TYW1B: variants seen among roughly 807,000 people sequenced by gnomAD.
TYW1B encodes the protein S-adenosyl-L-methionine-dependent tRNA 4-demethylwyosine synthase TYW1B.
Under a neutral mutation model 86.9 loss-of-function variants are expected in TYW1B, and 73 were observed. The ratio of observed to expected loss-of-function variants is 0.84; its 90% CI spans 0.70 to 1.02. The LOEUF is 1.02. Ranked by LOEUF, TYW1B falls within the 50% of genes least tolerant of loss-of-function variation. TYW1B has a pLI of 0.00. For synonymous variants in TYW1B, 248 were observed against 292.8 expected, an observed-to-expected ratio of 0.85 and a Z score of 1.56; for missense variants, 637 against 827.4, an observed-to-expected ratio of 0.77 and a Z score of 2.82.
chr7:72,594,606 A>T (rs1317838908), intron 13 of TYW1B, among the ~76,000 whole-genome samples: 1 of 152,214 alleles, frequency 6.6e-6, no homozygotes, highest in Non-Finnish European at 1.5e-5. Flanking sequence ...AATCTTTCTC[A>T]AACTTTTCCA....
At chr7:72,799,054 G>A (rs1554475129) in intron 6 of TYW1B, among the ~76,000 whole-genome samples, 1 of 151,888 alleles carries the variant, frequency 6.6e-6, no homozygotes, top group Admixed American at 6.6e-5. Flanking sequence ...TGTTGGTCAG[G>A]CTGGTCTCGA....
intron 6 of TYW1B, among the ~76,000 whole-genome samples, chr7:72,791,449 T>C (rs1365175033): frequency 6.6e-6 from 1 of 151,190 alleles, no homozygotes; most frequent in Non-Finnish European, 1.5e-5. Flanking sequence ...TCAAAACTAT[T>C]CTGACCTGAG....
chr7:72,795,509 G>A (rs1174154509), intron 6 of TYW1B, among the ~76,000 whole-genome samples: 6 of 150,288 alleles, frequency 4.0e-5, no homozygotes, highest in Admixed American at 6.7e-5. Context: ...ATTTTTTGAC[G>A]CGAAACTACA....
chr7:72,588,212 G>A (rs1246610382), intron 13 of TYW1B, among the ~76,000 whole-genome samples: 1 of 152,236 alleles, frequency 6.6e-6, no homozygotes, highest in Non-Finnish European at 1.5e-5. Flanking sequence ...TTACATTCTT[G>A]ACATAGCCAA....
At chr7:72,663,449 C>A (rs1813382757) in intron 11 of TYW1B, among the ~76,000 whole-genome samples, 1 of 151,982 alleles carries the variant, frequency 6.6e-6, no homozygotes, top group South Asian at 2.1e-4. Flanking sequence ...ATCTATGTGA[C>A]CTAAAACAAA....
chr7:72,706,912 G>A (rs1814628367), intron 10 of TYW1B, among the ~76,000 whole-genome samples: 1 of 152,192 alleles, frequency 6.6e-6, no homozygotes. Flanking sequence ...CTTACCAACT[G>A]AGGGTTTGAG....
chr7:72,635,862 T>C lies in TYW1B; in HGVS notation c.1507-6865A>G, dbSNP rs569938346. On this transcript the variant is annotated intron_variant, in intron 11 of 13. Transcript: ENST00000620995. ...TATTTAAATATTGGGATACCTGACA[T>C]TCTTTTTACCAGACTAAGTCTTTGA... Among the ~76,000 whole-genome samples the C allele has an allele frequency of 7.0e-4, 107 of 152,334 alleles. 2 individuals carry two copies. Among genetic ancestry groups the C allele is most frequent in the African/African-American group, 2.5e-3 (105 of 41,578 alleles).
intron 2 of TYW1B, among the ~76,000 whole-genome samples, chr7:72,817,522 A>G (rs1228633920): frequency 2.6e-5 from 4 of 152,046 alleles, no homozygotes; most frequent in Non-Finnish European, 4.4e-5. Context: ...GTAATCTCCA[A>G]TGTTGGAAGT....
intron 7 of TYW1B, among the ~76,000 whole-genome samples, chr7:72,776,547 A>G (rs1366091942): frequency 5.7e-5 from 5 of 88,068 alleles, no homozygotes; most frequent in African/African-American, 9.1e-5. Flanking sequence ...GGTGAGAGAG[A>G]CTCTGTCTCA....
intron 7 of TYW1B, among the ~76,000 whole-genome samples, chr7:72,755,050 T>C (rs1162604907): frequency 1.3e-5 from 2 of 152,086 alleles, no homozygotes; most frequent in Non-Finnish European, 2.9e-5. Context: ...ACTTGGGATA[T>C]GCAAAGTATT....
At chr7:72,618,245 T>TGAGACAGAG (rs1554437285) in intron 12 of TYW1B, among the ~76,000 whole-genome samples, 1 of 148,090 alleles carries the variant, frequency 6.8e-6, no homozygotes, top group African/African-American at 2.5e-5. Context: ...TTTTTTTTTT[T>TGAGACAGAG]TTTTTTTGTT....
intron 13 of TYW1B, among the ~76,000 whole-genome samples, chr7:72,587,239 G>C (rs1811296962): frequency 1.3e-5 from 2 of 152,076 alleles, no homozygotes; most frequent in Non-Finnish European, 2.9e-5. Flanking sequence ...GTGATTTTTA[G>C]ACTACAAAAA....
At chr7:72,625,484 G>A (rs1245925792) in intron 12 of TYW1B, among the ~76,000 whole-genome samples, 3 of 149,820 alleles carry the variant, frequency 2.0e-5, no homozygotes, top group African/African-American at 7.5e-5. Context: ...AATTAGCCAG[G>A]TGTGGTGGTG....
chr7:72,702,567 A>C (rs115041587), intron 10 of TYW1B, among the ~76,000 whole-genome samples: 124 of 151,854 alleles, frequency 8.2e-4, no homozygotes, highest in African/African-American at 2.8e-3. Context: ...TTTATATTTC[A>C]GTTGAGATGG....
intron 2 of TYW1B, among the ~76,000 whole-genome samples, chr7:72,820,261 A>G (rs1440136430): frequency 1.3e-5 from 2 of 152,094 alleles, no homozygotes; most frequent in South Asian, 2.1e-4. Flanking sequence ...GATGACAGAG[A>G]AAGACTCTGT....
chr7:72,743,065 C>T (rs1409338555), intron 8 of TYW1B, among the ~76,000 whole-genome samples: 2 of 152,136 alleles, frequency 1.3e-5, no homozygotes, highest in African/African-American at 4.8e-5. Flanking sequence ...ATGATAAATA[C>T]ATTAAGCTTG....
chr7:72,803,393 C>T (rs1410643137), intron 5 of TYW1B, among the ~76,000 whole-genome samples: 1 of 152,048 alleles, frequency 6.6e-6, no homozygotes, highest in Admixed American at 6.6e-5. Flanking sequence ...TGTGACATCA[C>T]TGGGAAGACA....
At chr7:72,582,075 ATTTT>A (rs35167805) in intron 13 of TYW1B, among the ~76,000 whole-genome samples, 1 of 146,166 alleles carries the variant, frequency 6.8e-6, no homozygotes, top group African/African-American at 2.5e-5. Flanking sequence ...GGCAAAAAAG[ATTTT>A]TTTTTTTTTT....
intron 7 of TYW1B, among the ~76,000 whole-genome samples, chr7:72,765,200 G>GT (rs1233895891): frequency 6.6e-6 from 1 of 152,168 alleles, no homozygotes; most frequent in Non-Finnish European, 1.5e-5. Flanking sequence ...AAGATTGTAC[G>GT]TGAGATCTAA....
Sources: allele counts gnomAD v4.1 joint callset (sites outside exome capture counted in the v4.1 genomes callset), GRCh38; gene constraint gnomAD v4.1.1; transcripts MANE v1.5; gene names NCBI Gene and HGNC (gene_info 2026-07-23, HGNC 2026-07-21).